ROBO2: variants seen among roughly 807,000 people sequenced by gnomAD.
ROBO2 encodes roundabout homolog 2.
ROBO2 carries 53 observed loss-of-function variants against 160.8 expected under a neutral mutation model. That is an observed-to-expected ratio of 0.33 (90% CI 0.26 to 0.41). The LOEUF (loss-of-function observed/expected upper bound fraction) is 0.41. Ranked by LOEUF, ROBO2 falls within the 10% of genes least tolerant of loss-of-function variation. The probability of loss-of-function intolerance (pLI) is 1.00; values close to 1 mark genes in which losing one functional copy is unlikely to be tolerated. For synonymous variants in ROBO2, 664 were observed against 611.7 expected, an observed-to-expected ratio of 1.09 and a Z score of -1.26; for missense variants, 1,577 against 1,722.4, an observed-to-expected ratio of 0.92 and a Z score of 1.49.
At chr3:77,294,095 T>G (rs371962890) in intron 2 of ROBO2, among the ~76,000 whole-genome samples, 1 of 130,622 alleles carries the variant, frequency 7.7e-6, no homozygotes, top group South Asian at 2.5e-4. Flanking sequence ...GTAAAATTGA[T>G]GGTTAAACGG....
intron 7 of ROBO2, among the ~76,000 whole-genome samples, chr3:77,550,404 C>T (rs1027114261): frequency 3.3e-5 from 5 of 151,952 alleles, no homozygotes; most frequent in Admixed American, 6.6e-5. Context: ...CAGAGCTGTG[C>T]GGTTTATACA....
chr3:76,894,501 C>A lies in ROBO2; in HGVS notation c.110-203513C>A, dbSNP rs537756016. On this transcript the variant is annotated intron_variant, in intron 2 of 26. Coordinates refer to the ROBO2 transcript ENST00000487694. The stretch of plus-strand genomic sequence containing the variant: ...CATTGTGATTATGTAATTTTCTTTC[C>A]ATTAAGGTGTGAAGCACAGGGTCTT... Among the ~76,000 whole-genome samples the A allele has an allele frequency of 4.6e-4, 70 of 152,026 alleles. 1 individual carries two copies. The highest frequency in any genetic ancestry group is 1.6e-3 in the African/African-American group (66 of 41,486).
intron 2 of ROBO2, among the ~76,000 whole-genome samples, chr3:76,761,956 C>CT (rs570499276): frequency 4.0e-5 from 6 of 151,162 alleles, no homozygotes; most frequent in Non-Finnish European, 5.9e-5. Context: ...TGATCATAAA[C>CT]TTTTTTTTAT....
At chr3:76,571,309 T>C (rs1560169503) in intron 2 of ROBO2, among the ~76,000 whole-genome samples, 1 of 152,164 alleles carries the variant, frequency 6.6e-6, no homozygotes, top group Non-Finnish European at 1.5e-5. Context: ...TTTCATTTTA[T>C]TGGGAAAATG....
intron 2 of ROBO2, among the ~76,000 whole-genome samples, chr3:76,491,544 C>T (rs2079824841): frequency 6.6e-6 from 1 of 152,136 alleles, no homozygotes; most frequent in Admixed American, 6.5e-5. Context: ...CTGGCATATA[C>T]TCTTTTAAGC....
At chr3:76,481,433 A>T (rs2079199058) in intron 2 of ROBO2, among the ~76,000 whole-genome samples, 1 of 152,184 alleles carries the variant, frequency 6.6e-6, no homozygotes, top group Non-Finnish European at 1.5e-5. Flanking sequence ...GAGCAACTGG[A>T]ACATGAGAAG....
chr3:76,034,200 T>C (rs951509198), intron 2 of ROBO2, among the ~76,000 whole-genome samples: 1 of 152,216 alleles, frequency 6.6e-6, no homozygotes, highest in African/African-American at 2.4e-5. Context: ...CATTTTGCTT[T>C]GAATAAGGCA....
At chr3:76,397,333 A>T (rs1387336324) in intron 2 of ROBO2, among the ~76,000 whole-genome samples, 16 of 152,046 alleles carry the variant, frequency 1.1e-4, no homozygotes, top group African/African-American at 3.4e-4. Context: ...TCAAGGTGGA[A>T]TAAAGACTTA....
At chr3:77,356,478 G>T (rs2069144508) in intron 2 of ROBO2, among the ~76,000 whole-genome samples, 1 of 152,100 alleles carries the variant, frequency 6.6e-6, no homozygotes, top group South Asian at 2.1e-4. Context: ...ATTCACAGAG[G>T]ATCTTAGAAT....
intron 2 of ROBO2, among the ~76,000 whole-genome samples, chr3:76,977,747 T>C (rs1353140306): frequency 6.6e-6 from 1 of 152,200 alleles, no homozygotes; most frequent in Non-Finnish European, 1.5e-5. Flanking sequence ...TGGAGTTGTA[T>C]CTGCCGTACT....
intron 2 of ROBO2, among the ~76,000 whole-genome samples, chr3:76,777,811 G>A (rs188473572): frequency 6.6e-5 from 10 of 151,106 alleles, no homozygotes; most frequent in Admixed American, 6.6e-4. Context: ...CTACATCTAG[G>A]TAATACTCAG....
intron 2 of ROBO2, among the ~76,000 whole-genome samples, chr3:77,417,231 CTT>C (rs10552785): frequency 0.24 from 34,054 of 141,592 alleles, 4,180 homozygotes; most frequent in African/African-American, 0.33. Flanking sequence ...AGGGTAACCA[CTT>C]TTTTTTTTTT....
intron 2 of ROBO2, among the ~76,000 whole-genome samples, chr3:76,796,924 C>T (rs1162730223): frequency 6.6e-6 from 1 of 152,022 alleles, no homozygotes; most frequent in African/African-American, 2.4e-5. Flanking sequence ...ATGCACCCAA[C>T]ATTGGAGCAC....
At chr3:76,529,456 CAAT>C (rs1337869662) in intron 2 of ROBO2, among the ~76,000 whole-genome samples, 1 of 151,992 alleles carries the variant, frequency 6.6e-6, no homozygotes, top group Non-Finnish European at 1.5e-5. Flanking sequence ...AACAAGATAA[CAAT>C]AATAATGATG....
intron 2 of ROBO2, among the ~76,000 whole-genome samples, chr3:77,270,740 C>T (rs761779343): frequency 1.5e-4 from 23 of 152,048 alleles, no homozygotes; most frequent in Admixed American, 7.9e-4. Flanking sequence ...CTCAGGAGTT[C>T]GAGACCAGCC....
chr3:76,686,939 T>C (rs138280481), intron 2 of ROBO2, among the ~76,000 whole-genome samples: 11 of 152,306 alleles, frequency 7.2e-5, no homozygotes, highest in African/African-American at 2.6e-4. Flanking sequence ...TTATTTATTC[T>C]GTATTCAAGG....
intron 2 of ROBO2, among the ~76,000 whole-genome samples, chr3:77,301,878 TC>T (rs1293004828): frequency 1.1e-4 from 17 of 150,388 alleles, no homozygotes; most frequent in Non-Finnish European, 2.2e-4. Context: ...AGCTTCAATT[TC>T]CTTTTTTTTT....
intron 2 of ROBO2, among the ~76,000 whole-genome samples, chr3:76,610,084 A>C (rs2087970637): frequency 6.6e-6 from 1 of 152,192 alleles, no homozygotes; most frequent in Non-Finnish European, 1.5e-5. Context: ...AAATTTTTTA[A>C]CGTGTTGTTA....
intron 2 of ROBO2, among the ~76,000 whole-genome samples, chr3:76,331,813 A>G (rs1404482040): frequency 6.6e-6 from 1 of 151,398 alleles, no homozygotes; most frequent in Admixed American, 6.6e-5. Context: ...CCTCCCAAGT[A>G]GCTGGGACTA....
Sources: gnomAD v4.1 joint callset for allele counts (sites outside exome capture counted in the v4.1 genomes callset) on GRCh38, gnomAD v4.1.1 for gene constraint, MANE v1.5 for transcripts, NCBI Gene and HGNC (gene_info 2026-07-23, HGNC 2026-07-21) for gene names.